NTM: variants seen among roughly 807,000 people sequenced by gnomAD.
The protein encoded by NTM is IgLON family member 2.
Under a neutral mutation model 42.1 loss-of-function variants are expected in NTM, and 13 were observed. The observed-to-expected ratio is 0.31, with a 90% CI of 0.20 to 0.49. The LOEUF is 0.49. Among genes scored for constraint, NTM ranks in the 20% least tolerant of loss-of-function variants. The pLI is 0.99. For missense variants in NTM, 373 were observed against 452.8 expected, an observed-to-expected ratio of 0.82 and a Z score of 1.60; for synonymous variants, 187 against 179.2, an observed-to-expected ratio of 1.04 and a Z score of -0.35.
At chr11:131,506,489 A>G (rs2136418783) in intron 1 of NTM, among the ~76,000 whole-genome samples, 1 of 152,316 alleles carries the variant, frequency 6.6e-6, no homozygotes, top group African/African-American at 2.4e-5. Context: ...TGTCGCTGGG[A>G]CAGCCCTATA....
intron 1 of NTM, among the ~76,000 whole-genome samples, chr11:131,584,479 G>A (rs1463469181): frequency 3.3e-5 from 5 of 152,182 alleles, no homozygotes; most frequent in African/African-American, 9.7e-5. Context: ...AGAATTTTAA[G>A]TGAGGGCTCC....
intron 1 of NTM, among the ~76,000 whole-genome samples, chr11:131,626,242 G>A (rs2063093315): frequency 6.6e-6 from 1 of 152,132 alleles, no homozygotes; most frequent in Non-Finnish European, 1.5e-5. Flanking sequence ...ATATTTAAGT[G>A]TACTGAGACA....
intron 1 of NTM, among the ~76,000 whole-genome samples, chr11:131,902,072 T>C (rs2053241741): frequency 6.6e-6 from 1 of 152,234 alleles, no homozygotes. Flanking sequence ...GAACTCACGA[T>C]GGTAATGCAT....
In NTM at chr11:131,579,260, A is replaced by C. The variant is rs527986113; in HGVS notation, c.82+208372A>C. 5.3e-5 allele frequency among the ~76,000 whole-genome samples: 8 copies of C among 152,338 alleles called. No homozygotes were observed. The South Asian group carries it at 1.7e-3, about 32-fold the overall frequency. On this transcript the variant is annotated intron_variant, in intron 1 of 8. Coordinates refer to ENST00000683400, the MANE Select transcript of NTM (RefSeq NM_001352005.2). ...CAGAGCTTAGTCATAGCAGGGCAGC[A>C]AAAGAAGACAGAGAGAAAACAAAAC...
intron 1 of NTM, among the ~76,000 whole-genome samples, chr11:131,594,572 A>C (rs960890936): frequency 7.3e-5 from 11 of 151,496 alleles, no homozygotes; most frequent in African/African-American, 2.2e-4. Context: ...ATTAAAAAAA[A>C]AAAAATTCTT....
At position 131,949,213 on chromosome 11, in the gene NTM, G is replaced by A. The variant is rs375739571; in HGVS notation, c.167+37565G>A. On this transcript the variant is annotated intron_variant, in intron 2 of 8. Transcript: ENST00000683400. Reference sequence around the variant, plus strand: ...ATATTGCATACTGTTACATGCATTAGTGTATATTACTGCGTTTTCTTTAAT... The same window carrying A: ...ATATTGCATACTGTTACATGCATTAATGTATATTACTGCGTTTTCTTTAAT... 1.6e-4 allele frequency among the ~76,000 whole-genome samples: 25 copies of A among 152,336 alleles called. No homozygotes were observed. The South Asian group carries it at 4.8e-3, about 29-fold the overall frequency.
intron 1 of NTM, among the ~76,000 whole-genome samples, chr11:131,381,274 T>C (rs912417291): frequency 1.3e-5 from 2 of 152,124 alleles, no homozygotes; most frequent in Non-Finnish European, 2.9e-5. Flanking sequence ...TTTAGCTGTT[T>C]CTCCAAATCT....
chr11:131,799,678 C>T (rs1227979563), intron 1 of NTM, among the ~76,000 whole-genome samples: 1 of 152,068 alleles, frequency 6.6e-6, no homozygotes. Flanking sequence ...GATAGCTGAT[C>T]CAAGCAGTAA....
intron 1 of NTM, among the ~76,000 whole-genome samples, chr11:131,390,080 C>A (rs929697200): frequency 2.0e-5 from 3 of 152,246 alleles, no homozygotes; most frequent in Admixed American, 1.3e-4. Context: ...GTTTATTTGG[C>A]TCATGGTTCT....
chr11:131,895,626 A>G (rs1050594514), intron 1 of NTM, among the ~76,000 whole-genome samples: 35 of 151,262 alleles, frequency 2.3e-4, no homozygotes, highest in African/African-American at 7.1e-4. Flanking sequence ...ACATTTACAG[A>G]GTTCTAGATT....
chr11:131,467,662 A>G (rs1952021023), intron 1 of NTM, among the ~76,000 whole-genome samples: 1 of 152,262 alleles, frequency 6.6e-6, no homozygotes, highest in African/African-American at 2.4e-5. Context: ...AGGTTATTAA[A>G]TAATTTAGTG....
At chr11:131,535,234 A>G (rs575250666) in intron 1 of NTM, 4 of 152,330 alleles carry the variant, frequency 2.6e-5, no homozygotes, top group Admixed American at 2.0e-4. Context: ...GTGCTGTGCT[A>G]GTGGAGGCAG....
At chr11:131,876,058 T>C (rs568926023) in intron 1 of NTM, among the ~76,000 whole-genome samples, 67 of 152,382 alleles carry the variant, frequency 4.4e-4, no homozygotes, top group African/African-American at 1.4e-3. Flanking sequence ...TGACATTTTC[T>C]TGTGGCATTT....
At chr11:131,463,045 G>A (rs980899375) in intron 1 of NTM, among the ~76,000 whole-genome samples, 2 of 152,178 alleles carry the variant, frequency 1.3e-5, no homozygotes, top group Admixed American at 1.3e-4. Context: ...TGCAGCAATT[G>A]CCGGCCCTTT....
In NTM at chr11:132,124,745, G is replaced by A. The variant is rs1172975239; in HGVS notation, c.168-21537G>A. Among the ~76,000 whole-genome samples the A allele has an allele frequency of 2.6e-5, 4 of 152,240 alleles. No individual in the cohort carries two copies. In the South Asian group the frequency reaches 8.3e-4, roughly 31 times the overall value. Reference sequence around the variant, plus strand: ...TAATTCCAGCATTTTGGGAGGCCAAGTGAGGAGGATTGCCTGAGTCCAGGA... The same window carrying A: ...TAATTCCAGCATTTTGGGAGGCCAAATGAGGAGGATTGCCTGAGTCCAGGA... On this transcript the variant is annotated intron_variant, in intron 2 of 8. Transcript: ENST00000683400.
intron 1 of NTM, among the ~76,000 whole-genome samples, chr11:131,488,313 G>A (rs751912163): frequency 5.9e-5 from 9 of 152,194 alleles, no homozygotes; most frequent in Non-Finnish European, 1.2e-4. Flanking sequence ...GCTCAGCTGG[G>A]TCTGAAACAT....
chr11:131,513,832 G>A (rs2048555206), intron 1 of NTM, among the ~76,000 whole-genome samples: 1 of 152,282 alleles, frequency 6.6e-6, no homozygotes, highest in East Asian at 1.9e-4. Flanking sequence ...TAAAGGTAGT[G>A]CAAGGCCCCG....
chr11:132,286,568 T>G (rs966819334), intron 4 of NTM, among the ~76,000 whole-genome samples: 8 of 152,032 alleles, frequency 5.3e-5, no homozygotes, highest in Admixed American at 3.3e-4. Flanking sequence ...GGCCCACTTA[T>G]TTTTGCCTCA....
chr11:131,395,003 C>G (rs767715883), intron 1 of NTM, among the ~76,000 whole-genome samples: 7 of 152,234 alleles, frequency 4.6e-5, no homozygotes, highest in Admixed American at 4.6e-4. Context: ...GTGTTAGGTA[C>G]GGGACCTTTC....
Sources: gnomAD v4.1 joint callset for allele counts (sites outside exome capture counted in the v4.1 genomes callset) on GRCh38, gnomAD v4.1.1 for gene constraint, MANE v1.5 for transcripts, NCBI Gene and HGNC (gene_info 2026-07-23, HGNC 2026-07-21) for gene names.